CUX1: variants seen among roughly 807,000 people sequenced by gnomAD.
CUX1 encodes cut like homeobox 1.
In CUX1, 31 loss-of-function variants were observed where a neutral mutation model predicts 158.8. That is an observed-to-expected ratio of 0.20 (90% CI 0.15 to 0.26). The LOEUF is 0.26. CUX1 is among the 10% of genes least tolerant of loss of function. The pLI is 1.00. For synonymous variants in CUX1, 879 were observed against 862.1 expected (o/e 1.02, Z -0.34); for missense variants, 1,589 against 2,014.6 (o/e 0.79, Z 4.04).
chr7:102,217,218 C>T (rs564838376), intron 20 of CUX1, among the ~76,000 whole-genome samples: 1 of 152,232 alleles, frequency 6.6e-6, no homozygotes, highest in Non-Finnish European at 1.5e-5. Flanking sequence ...GAGTTCACTA[C>T]CAAAATCGAA....
intron 2 of CUX1, among the ~76,000 whole-genome samples, chr7:101,935,578 C>T (rs913142209): frequency 3.9e-5 from 6 of 152,190 alleles, no homozygotes; most frequent in Non-Finnish European, 7.3e-5. Context: ...GGGAGGTTGG[C>T]ATGGTATCCA....
At chr7:102,258,531 C>A (rs1363098409), downstream of CUX1, among the ~76,000 whole-genome samples, 1 of 152,318 alleles carries the variant, frequency 6.6e-6, no homozygotes, top group Non-Finnish European at 1.5e-5. Flanking sequence ...ACCCTTGAAC[C>A]AAGCCCTTAC....
intron 2 of CUX1, among the ~76,000 whole-genome samples, chr7:101,929,476 G>C (rs1049949747): frequency 2.6e-5 from 4 of 152,182 alleles, no homozygotes; most frequent in Admixed American, 1.3e-4. Flanking sequence ...ACGTCATTCT[G>C]TGTAGGATTT....
chr7:102,278,151 A>T (rs1685615215), intron 18 of CUX1: 1 of 948,276 alleles, frequency 1.1e-6, no homozygotes, highest in South Asian at 1.6e-5. Context: ...AGGGTCGGGG[A>T]CCAAGACCTG....
chr7:102,234,361 A>G (rs917744183), intron 22 of CUX1, 121 bp downstream of exon 22: 2 of 923,228 alleles, frequency 2.2e-6, no homozygotes, highest in Non-Finnish European at 2.9e-6. Context: ...ACCAGAGGAC[A>G]GGGCAAAAAT....
intron 2 of CUX1, among the ~76,000 whole-genome samples, chr7:101,925,938 AAAACAAAC>A (rs140430768): frequency 5.9e-5 from 9 of 151,570 alleles, no homozygotes; most frequent in East Asian, 1.9e-4. Flanking sequence ...CCCCCGTCTC[AAAACAAAC>A]AAACAAACAA....
At chr7:101,951,766 C>T (rs953685984) in intron 2 of CUX1, among the ~76,000 whole-genome samples, 11 of 152,216 alleles carry the variant, frequency 7.2e-5, no homozygotes, top group Non-Finnish European at 1.0e-4. Flanking sequence ...ATCGGCCTCC[C>T]GAAGTGCTGG....
intron 13 of CUX1, 35 bp from the exon 14 acceptor site, chr7:102,195,472 G>A (rs1586155817): frequency 6.4e-7 from 1 of 1,561,390 alleles, no homozygotes; most frequent in Non-Finnish European, 8.7e-7. Context: ...TGAGTGGCCG[G>A]CCCCGCAGTG....
At chr7:102,090,254 G>C (rs1828403508) in intron 4 of CUX1, among the ~76,000 whole-genome samples, 1 of 152,094 alleles carries the variant, frequency 6.6e-6, no homozygotes. Flanking sequence ...AAAATGCTTG[G>C]AATCAGAGTG....
Position 101,843,405 on chromosome 7 carries a change from C to A in CUX1, c.30+25736C>A, listed in dbSNP as rs560404898. Among the ~76,000 whole-genome samples, 17 of 152,214 alleles carry A rather than the reference C, an allele frequency of 1.1e-4. No homozygotes were observed. In the South Asian group the frequency reaches 3.3e-3, roughly 30 times the overall value. On this transcript the variant is annotated intron_variant, in intron 1 of 23. Coordinates refer to ENST00000292535, the MANE Select transcript of CUX1 (RefSeq NM_181552.4). ...CATCTTATTTTGTGTTTTCTGCTTA[C>A]CATTACTTATTTTTAAAAAAGCTTT...
chr7:101,870,219 T>C (rs562020356), intron 1 of CUX1, among the ~76,000 whole-genome samples: 1 of 141,908 alleles, frequency 7.0e-6, no homozygotes, highest in Non-Finnish European at 1.5e-5. Flanking sequence ...AGTGGCACCA[T>C]CCTAGCTCAC....
chr7:101,826,510 T>C (rs1793316984), intron 1 of CUX1, among the ~76,000 whole-genome samples: 1 of 152,192 alleles, frequency 6.6e-6, no homozygotes, highest in African/African-American at 2.4e-5. Flanking sequence ...CCTTCAAGCC[T>C]ATTTCATGCA....
At chr7:102,030,372 C>G (rs561355335) in intron 3 of CUX1, among the ~76,000 whole-genome samples, 87 of 152,180 alleles carry the variant, frequency 5.7e-4, no homozygotes, top group Non-Finnish European at 7.8e-4. Flanking sequence ...GTACCTCCCC[C>G]CTCCCCTCCC....
chr7:102,062,780 C>T (rs1585483139), intron 3 of CUX1, among the ~76,000 whole-genome samples: 2 of 151,242 alleles, frequency 1.3e-5, no homozygotes, highest in Admixed American at 1.3e-4. Context: ...GGATTATAGG[C>T]GTGAGCCACT....
rs904300146 is a variant in CUX1 at position 102,115,385 on chromosome 7, T to C, written c.674+112T>C. 1.2e-5 allele frequency: 10 copies of C among 868,572 alleles called. No individual in the cohort carries two copies. The African/African-American group carries it at 1.7e-4, about 15-fold the overall frequency. The allele number at this position is 868,572 out of a possible 1,614,324, so 53.8% of individuals were successfully genotyped here. ...CCTCTGTGCTGCTGCAGGGACACAGTGTATTTCCCATGAGTTACTTGCGTC... is the reference window on the plus strand; with the variant it reads ...CCTCTGTGCTGCTGCAGGGACACAGCGTATTTCCCATGAGTTACTTGCGTC... On this transcript the variant is annotated intron_variant, in intron 8 of 23. Transcript: ENST00000292535.
rs957097998 is a variant in CUX1, at chr7:102,253,364, G to A, written c.*4322G>A. 2.7e-5 allele frequency: 27 copies of A among 985,272 alleles called. No homozygotes were observed. Among genetic ancestry groups the A allele is most frequent in the South Asian group, 9.4e-5 (2 of 21,284 alleles). 61.0% of individuals were successfully genotyped at this position (985,272 alleles called of 1,614,324 possible). On this transcript the variant is annotated 3_prime_UTR_variant, in exon 24 of 24. Coordinates refer to ENST00000292535, the MANE Select transcript of CUX1 (RefSeq NM_181552.4). ...CTGCAAAGAGATCGCTGTGGGCCTCGGCTGACTACTTTAAGATTATGCCAC... is the reference window on the plus strand; with the variant it reads ...CTGCAAAGAGATCGCTGTGGGCCTCAGCTGACTACTTTAAGATTATGCCAC...
chr7:102,086,040 A>G (rs1827922531), intron 4 of CUX1, among the ~76,000 whole-genome samples: 1 of 152,118 alleles, frequency 6.6e-6, no homozygotes, highest in Admixed American at 6.5e-5. Context: ...TAAATTATCA[A>G]ATTTGTTGGC....
chr7:101,901,858 G>GGTGCCCTAA (rs1398265251), intron 1 of CUX1, among the ~76,000 whole-genome samples: 1 of 152,222 alleles, frequency 6.6e-6, no homozygotes, highest in African/African-American at 2.4e-5. Context: ...CAGAATGGCT[G>GGTGCCCTAA]GTGCCCTAAC....
intron 16 of CUX1, 145 bp downstream of exon 16, chr7:102,199,012 C>A: frequency 1.4e-6 from 1 of 723,418 alleles, no homozygotes; most frequent in Non-Finnish European, 2.4e-6. Context: ...AAACAAGGCA[C>A]GGGTTCAAGC....
Sources: gnomAD v4.1 joint callset for allele counts (sites outside exome capture counted in the v4.1 genomes callset) on GRCh38, gnomAD v4.1.1 for gene constraint, MANE v1.5 for transcripts, NCBI Gene and HGNC (gene_info 2026-07-23, HGNC 2026-07-21) for gene names.